Variants in NUBPL observed in about 807,000 individuals in gnomAD.
The protein encoded by NUBPL is NUBP iron-sulfur cluster assembly factor, mitochondrial.
Under a neutral mutation model 45.7 loss-of-function variants are expected in NUBPL, and 31 were observed. That is an observed-to-expected ratio of 0.68 (90% confidence interval 0.51 to 0.92). The LOEUF (loss-of-function observed/expected upper bound fraction) is 0.92. NUBPL is among the 40% of genes least tolerant of loss of function. The probability of loss-of-function intolerance (pLI) is 0.00; values close to 1 mark genes in which losing one functional copy is unlikely to be tolerated. For missense variants in NUBPL, 401 were observed against 398.7 expected, an observed-to-expected ratio of 1.01 and a Z score of -0.05; for synonymous variants, 144 against 140.9, an observed-to-expected ratio of 1.02 and a Z score of -0.15.
intron 6 of NUBPL, among the ~76,000 whole-genome samples, chr14:31,704,344 T>C (rs1384473311): frequency 1.3e-5 from 2 of 152,188 alleles, no homozygotes; most frequent in South Asian, 2.1e-4. Flanking sequence ...TTTATACTTA[T>C]ATTCTTTCTG....
At position 31,859,235 on chromosome 14, in the gene NUBPL, A is replaced by C. The variant is rs2040674247; in HGVS notation, c.*55A>C. 5 of 1,331,702 alleles carry C rather than the reference A, an allele frequency of 3.8e-6. No homozygotes were observed. Among genetic ancestry groups the C allele is most frequent in the Non-Finnish European group, 4.3e-6 (4 of 923,292 alleles). 82.5% of individuals were successfully genotyped at this position (1,331,702 alleles called of 1,614,324 possible). A position where few individuals can be genotyped will look rare whatever the true frequency, so the allele number is the denominator to read the frequency against. ...TACTGACATTAAGAGGACCTTTGGA[A>C]ATCAGCAATGTGGTGATGGAACCTA... On this transcript the variant is annotated 3_prime_UTR_variant, in exon 11 of 11. Transcript: ENST00000281081.
chr14:31,687,339 A>G (rs2036977041), intron 6 of NUBPL, among the ~76,000 whole-genome samples: 1 of 152,254 alleles, frequency 6.6e-6, no homozygotes. Flanking sequence ...ATGAATGCCT[A>G]AAATATATGT....
intron 6 of NUBPL, among the ~76,000 whole-genome samples, chr14:31,714,330 A>C (rs915564964): frequency 6.6e-6 from 1 of 152,190 alleles, no homozygotes; most frequent in Non-Finnish European, 1.5e-5. Context: ...TTGAAAAAAA[A>C]ACAACAACTT....
intron 4 of NUBPL, among the ~76,000 whole-genome samples, chr14:31,656,892 C>T (rs2036154019): frequency 6.6e-6 from 1 of 152,054 alleles, no homozygotes; most frequent in South Asian, 2.1e-4. Flanking sequence ...CTGCAAAGTA[C>T]AATAAGGCAA....
chr14:31,671,599 G>A lies in NUBPL; in HGVS notation c.383-1756G>A, dbSNP rs190405096. 2.5e-4 allele frequency among the ~76,000 whole-genome samples: 38 copies of A among 152,264 alleles called. 1 individual carries two copies. The East Asian group carries it at 6.2e-3, about 25-fold the overall frequency. On this transcript the variant is annotated intron_variant, in intron 4 of 10. Transcript: ENST00000281081. ...AAAATGGCCAAAAATATTGCCAACCGTGATAGCGAAAGGTTATAATTGGAT... is the reference window on the plus strand; with the variant it reads ...AAAATGGCCAAAAATATTGCCAACCATGATAGCGAAAGGTTATAATTGGAT...
At chr14:31,755,396 T>G (rs899487806) in intron 6 of NUBPL, among the ~76,000 whole-genome samples, 58 of 152,236 alleles carry the variant, frequency 3.8e-4, no homozygotes, top group East Asian at 1.9e-4. Flanking sequence ...CCATTCTAAC[T>G]GGTGTGAGAT....
At chr14:31,851,787 AAC>A (rs34498973) in intron 10 of NUBPL, among the ~76,000 whole-genome samples, 6,793 of 152,254 alleles carry the variant, frequency 0.045, 335 homozygotes, top group African/African-American at 0.12. Flanking sequence ...GCCTCCTGAG[AAC>A]AGACTATAAA....
chr14:31,583,653 G>A (rs934333708), intron 3 of NUBPL, among the ~76,000 whole-genome samples: 1 of 152,122 alleles, frequency 6.6e-6, no homozygotes, highest in Non-Finnish European at 1.5e-5. Context: ...GTATAAAACC[G>A]GTCAGATTTT....
In NUBPL at chr14:31,761,622, A is replaced by T. The variant is rs144940902; in HGVS notation, c.514-26158A>T. On this transcript the variant is annotated intron_variant, in intron 6 of 10. Coordinates refer to ENST00000281081, the MANE Select transcript of NUBPL (RefSeq NM_025152.3). ...AGTAGTGAAGTGATAGTAGTCATAT[A>T]GTTTAGCAACCTGCCTTTTTTCACT... Among the ~76,000 whole-genome samples, 316 of 152,310 alleles carry T rather than the reference A, an allele frequency of 2.1e-3. 1 individual carries two copies. The highest frequency in any genetic ancestry group is 7.3e-3 in the African/African-American group (302 of 41,560).
chr14:31,640,072 G>A (rs2035639100), intron 4 of NUBPL, among the ~76,000 whole-genome samples: 1 of 152,082 alleles, frequency 6.6e-6, no homozygotes, highest in Admixed American at 6.5e-5. Flanking sequence ...TTCGGCTCCG[G>A]CACGGTGCAC....
chr14:31,735,267 C>A (rs1232146702), intron 6 of NUBPL, among the ~76,000 whole-genome samples: 1 of 152,014 alleles, frequency 6.6e-6, no homozygotes, highest in Non-Finnish European at 1.5e-5. Context: ...ATTAAATTAC[C>A]TTTTCAATTA....
At chr14:31,772,933 G>T (rs997783380) in intron 6 of NUBPL, among the ~76,000 whole-genome samples, 13 of 151,962 alleles carry the variant, frequency 8.6e-5, no homozygotes, top group African/African-American at 3.1e-4. Context: ...TTTATCATTT[G>T]GGAAGAAAAT....
chr14:31,852,911 G>T (rs1300063928), intron 10 of NUBPL, among the ~76,000 whole-genome samples: 2 of 152,110 alleles, frequency 1.3e-5, no homozygotes, highest in Non-Finnish European at 2.9e-5. Flanking sequence ...ACCAGATTCT[G>T]TTGTATTCAT....
rs190911473 is a variant in NUBPL at position 31,699,583 on chromosome 14, T to C, written c.513+26009T>C. Among the ~76,000 whole-genome samples the C allele has an allele frequency of 2.0e-3, 301 of 152,258 alleles. 1 individual carries two copies. The highest frequency in any genetic ancestry group is 6.7e-3 in the African/African-American group (277 of 41,574). On this transcript the variant is annotated intron_variant, in intron 6 of 10. Transcript: ENST00000281081. ...AACTGTACAACTGAAGTTTTAAAAT[T>C]TTAAATTTTTGCTTGAAAGATTGAA...
At chr14:31,719,863 A>C (rs901124774) in intron 6 of NUBPL, among the ~76,000 whole-genome samples, 1 of 152,148 alleles carries the variant, frequency 6.6e-6, no homozygotes, top group Non-Finnish European at 1.5e-5. Context: ...GCTGCTTTTT[A>C]GCCAACTTAC....
chr14:31,835,113 G>A (rs1011374085), intron 8 of NUBPL, among the ~76,000 whole-genome samples: 7 of 152,166 alleles, frequency 4.6e-5, no homozygotes, highest in Non-Finnish European at 7.3e-5. Flanking sequence ...TCATGTGGGC[G>A]ATAAGGGGAA....
rs534544535 is a variant in NUBPL, at chr14:31,743,660, G to C, written c.514-44120G>C. ...CTCCGAAAGTGCTGGGATTAGAGGA[G>C]TGAGCCACTGCGCTTAGCCGGTTGG... On this transcript the variant is annotated intron_variant, in intron 6 of 10. Transcript: ENST00000281081. 2.2e-4 allele frequency among the ~76,000 whole-genome samples: 33 copies of C among 152,298 alleles called. 1 individual carries two copies. In the Middle Eastern group the frequency reaches 0.01, roughly 47 times the overall value.
At chr14:31,685,522 A>G (rs2036932518) in intron 6 of NUBPL, among the ~76,000 whole-genome samples, 1 of 152,006 alleles carries the variant, frequency 6.6e-6, no homozygotes, top group Non-Finnish European at 1.5e-5. Context: ...TTTTTTCTTA[A>G]AGAGGACAGC....
intron 6 of NUBPL, among the ~76,000 whole-genome samples, chr14:31,721,142 C>T (rs184082969): frequency 7.2e-4 from 110 of 152,198 alleles, no homozygotes; most frequent in Non-Finnish European, 1.5e-5. Flanking sequence ...AATGCTAATC[C>T]CCTTTTGTAA....
Sources: gnomAD v4.1 joint callset for allele counts (sites outside exome capture counted in the v4.1 genomes callset) on GRCh38, gnomAD v4.1.1 for gene constraint, MANE v1.5 for transcripts, NCBI Gene and HGNC (gene_info 2026-07-23, HGNC 2026-07-21) for gene names.